Variants in NINL observed in about 807,000 individuals in gnomAD.
The protein encoded by NINL is ninein like, also known as ninein-like protein.
NINL carries 153 observed loss-of-function variants against 160.3 expected under a neutral mutation model. The ratio of observed to expected loss-of-function variants is 0.95; its 90% CI spans 0.84 to 1.09. The LOEUF is 1.09. Ranked by LOEUF, NINL falls within the 50% of genes least tolerant of loss-of-function variation. The pLI is 0.00. For synonymous variants in NINL, 800 were observed against 734.8 expected (o/e 1.09, Z -1.43); for missense variants, 1,829 against 1,764.0 (o/e 1.04, Z -0.66).
At chr20:25,531,453 T>A (rs1012144062) in intron 1 of NINL, among the ~76,000 whole-genome samples, 1 of 152,214 alleles carries the variant, frequency 6.6e-6, no homozygotes, top group African/African-American at 2.4e-5. Flanking sequence ...TAAGTGTCCA[T>A]GAAATCTTCA....
chr20:25,570,121 A>G (rs539674452), intron 1 of NINL, among the ~76,000 whole-genome samples: 1 of 152,298 alleles, frequency 6.6e-6, no homozygotes, highest in East Asian at 1.9e-4. Flanking sequence ...CAGAGGGTGC[A>G]GTGAGCTGAG....
At position 25,512,936 on chromosome 20, in the gene NINL, C is replaced by T. The variant is rs573668440; in HGVS notation, c.348G>A (p.Glu116=). 3.7e-6 allele frequency: 6 copies of T among 1,614,134 alleles called. No individual in the cohort carries two copies. The Admixed American group carries it at 1.0e-4, about 27-fold the overall frequency. Residue 116 remains glutamate, a synonymous_variant, in exon 4 of 24, where the codon GAG becomes GAA. Transcript: ENST00000278886. ...TGGCTTCTGTGGCAGCGTCACATAG[C>T]TCAGGCCGGCTCCGACGGCCATACC... ...SKWYGRRSRP[E]LCDAATEARR...
chr20:25,533,871 T>C (rs1260309340), intron 1 of NINL, among the ~76,000 whole-genome samples: 6 of 152,222 alleles, frequency 3.9e-5, no homozygotes, highest in African/African-American at 7.2e-5. Flanking sequence ...AATAGTGTAA[T>C]AGTTTTATAA....
Position 25,468,701 on chromosome 20 carries a change from G to A in NINL, c.3354-1243C>T, listed in dbSNP as rs1467496312. Among the ~76,000 whole-genome samples the A allele has an allele frequency of 9.7e-5, 13 of 134,494 alleles. No homozygotes were observed. The South Asian group carries it at 1.5e-3, about 15-fold the overall frequency. 88.2% of individuals were successfully genotyped at this position (134,494 alleles called of 152,430 possible). On this transcript the variant is annotated intron_variant, in intron 18 of 23. Coordinates refer to ENST00000278886, the MANE Select transcript of NINL (RefSeq NM_025176.6). Reference sequence around the variant, plus strand: ...GCCCTGTCCCCTGTCACTGGTGGGCGCCTCTCTGCCCTGTCCCCTGACTGT... The same window carrying A: ...GCCCTGTCCCCTGTCACTGGTGGGCACCTCTCTGCCCTGTCCCCTGACTGT...
chr20:25,557,191 T>A (rs6050679), intron 1 of NINL, among the ~76,000 whole-genome samples: 70,157 of 152,104 alleles, frequency 0.46, 17,218 homozygotes, highest in Admixed American at 0.56. Context: ...CTACCATGCA[T>A]ACTGTAAACA....
At position 25,526,480 on chromosome 20, in the gene NINL, G is replaced by T; in HGVS notation, c.108C>A (p.Cys36Ter). 1 of 1,614,218 alleles carries T rather than the reference G, an allele frequency of 6.2e-7. No individual in the cohort carries two copies. The highest frequency in any genetic ancestry group is 8.5e-7 in the Non-Finnish European group (1 of 1,180,042). The change falls in exon 2 of 24, where the codon TGC becomes TGA. Residue 36 changes from cysteine (C) to a stop codon, truncating the protein, a stop_gained. Transcript: ENST00000278886. LOFTEE classifies it high-confidence loss of function. ...FLDRQELTQL[C>*]LKLHLEQQLP... ...GCTGCTGCTCCAGGTGAAGCTTAAG[G>T]CAGAGCTGGGTCAGCTCCTGGCGGT...
In NINL at chr20:25,467,487, A is replaced by G. The variant is rs193264975; in HGVS notation, c.3354-29T>C. The G allele has an allele frequency of 4.5e-6, 7 of 1,539,042 alleles. No individual in the cohort carries two copies. In the East Asian group the frequency reaches 1.3e-4, roughly 30 times the overall value. ...TTGAAGAAGCACAATTAACAGTGAT[A>G]CCACTTGTGACCAACCAGTGCCTTC... On this transcript the variant is annotated intron_variant, in intron 18 of 23. Coordinates refer to ENST00000278886, the MANE Select transcript of NINL (RefSeq NM_025176.6).
rs1482719915 is a variant in NINL, at chr20:25,504,880, C to A, written c.708+8G>T. On this transcript the variant is annotated splice_region_variant and intron_variant, in intron 6 of 23. Coordinates refer to ENST00000278886, the MANE Select transcript of NINL (RefSeq NM_025176.6). ...ATATGTGGCTGGGTGGCCTGCTGTGCCCCTCACCTCTTTCTCGAGTCCCTG... is the reference window on the plus strand; with the variant it reads ...ATATGTGGCTGGGTGGCCTGCTGTGACCCTCACCTCTTTCTCGAGTCCCTG... 6.2e-7 allele frequency: 1 copy of A among 1,604,772 alleles called. No individual in the cohort carries two copies. The highest frequency in any genetic ancestry group is 1.7e-5 in the Admixed American group (1 of 59,996).
chr20:25,524,767 G>C (rs1308184955), intron 2 of NINL, among the ~76,000 whole-genome samples: 4 of 152,022 alleles, frequency 2.6e-5, no homozygotes. Flanking sequence ...GAATGACGTG[G>C]CTTATTCAAT....
intron 1 of NINL, among the ~76,000 whole-genome samples, chr20:25,534,396 C>T (rs1328965828): frequency 1.3e-5 from 2 of 152,292 alleles, no homozygotes; most frequent in South Asian, 2.1e-4. Flanking sequence ...AAAACAGCAT[C>T]TCAAAGAGAT....
intron 23 of NINL, among the ~76,000 whole-genome samples, chr20:25,455,080 A>T (rs1568823459): frequency 1.3e-5 from 2 of 151,738 alleles, no homozygotes; most frequent in Non-Finnish European, 2.9e-5. Context: ...CCTGGAATGC[A>T]CCCTCCTCGG....
intron 16 of NINL, among the ~76,000 whole-genome samples, chr20:25,477,747 A>C (rs1022900060): frequency 3.3e-5 from 5 of 152,162 alleles, no homozygotes; most frequent in Non-Finnish European, 5.9e-5. Context: ...TGCTAGAGAC[A>C]GCTCCGGGTG....
At chr20:25,561,582 A>G (rs1241534648) in intron 1 of NINL, among the ~76,000 whole-genome samples, 1 of 149,242 alleles carries the variant, frequency 6.7e-6, no homozygotes, top group Non-Finnish European at 1.5e-5. Flanking sequence ...CCACCTAGGA[A>G]GTGAGGAGCA....
At chr20:25,562,967 C>T (rs1031726104) in intron 1 of NINL, among the ~76,000 whole-genome samples, 11 of 152,056 alleles carry the variant, frequency 7.2e-5, no homozygotes, top group Non-Finnish European at 1.3e-4. Context: ...GGAGATGAGA[C>T]CATCCTGGCT....
chr20:25,561,497 G>A (rs972589049), intron 1 of NINL, among the ~76,000 whole-genome samples: 42 of 147,392 alleles, frequency 2.8e-4, no homozygotes, highest in Admixed American at 5.4e-4. Flanking sequence ...GCCGCCCATC[G>A]TCTGGGATGT....
chr20:25,536,915 T>A (rs1259701135), intron 1 of NINL, among the ~76,000 whole-genome samples: 1 of 152,158 alleles, frequency 6.6e-6, no homozygotes, highest in Non-Finnish European at 1.5e-5. Context: ...GAATGAGGTT[T>A]AATTACCTTG....
At chr20:25,538,994 T>C (rs984414958) in intron 1 of NINL, among the ~76,000 whole-genome samples, 4 of 152,122 alleles carry the variant, frequency 2.6e-5, no homozygotes, top group East Asian at 3.9e-4. Flanking sequence ...CAGTGTTTGA[T>C]CAAATGACAT....
chr20:25,502,020 C>A (rs1045778909), intron 7 of NINL, among the ~76,000 whole-genome samples: 22 of 152,156 alleles, frequency 1.4e-4, no homozygotes, highest in African/African-American at 5.3e-4. Context: ...CTCACTCTGT[C>A]ACCCACGCTG....
intron 15 of NINL, 61 bp from the exon 16 acceptor site, chr20:25,479,267 C>T (rs1048694327): frequency 7.2e-6 from 11 of 1,534,744 alleles, no homozygotes; most frequent in African/African-American, 2.8e-5. Context: ...TTGCTGCTGA[C>T]GTAACACAGA....
Sources: gnomAD v4.1 joint callset for allele counts (sites outside exome capture counted in the v4.1 genomes callset) on GRCh38, gnomAD v4.1.1 for gene constraint, MANE v1.5 for transcripts, NCBI Gene and HGNC (gene_info 2026-07-23, HGNC 2026-07-21) for gene names.